Variants in ITGBL1 observed in about 807,000 individuals in gnomAD.
ITGBL1 encodes integrin subunit beta like 1.
In ITGBL1, 51 loss-of-function variants were observed where a neutral mutation model predicts 68.5. The ratio of observed to expected loss-of-function variants is 0.74; its 90% CI spans 0.59 to 0.94. The LOEUF is 0.94. Among genes scored for constraint, ITGBL1 ranks in the 40% least tolerant of loss-of-function variants. ITGBL1 has a pLI of 0.00. For synonymous variants in ITGBL1, 209 were observed against 227.3 expected (o/e 0.92, Z 0.72); for missense variants, 649 against 647.4 (o/e 1.00, Z -0.03).
chr13:101,680,165 G>A (rs940902922), intron 7 of ITGBL1, among the ~76,000 whole-genome samples: 4 of 152,128 alleles, frequency 2.6e-5, no homozygotes, highest in African/African-American at 9.7e-5. Context: ...AAAAATATTT[G>A]TACTTAGCTG....
At chr13:101,661,061 G>A (rs1335721391) in intron 7 of ITGBL1, among the ~76,000 whole-genome samples, 2 of 151,724 alleles carry the variant, frequency 1.3e-5, no homozygotes, top group East Asian at 3.9e-4. Context: ...AGTAGTAGCA[G>A]ATGCATAAAT....
At chr13:101,500,198 GAAAA>G (rs781724203) in intron 2 of ITGBL1, among the ~76,000 whole-genome samples, 3 of 150,706 alleles carry the variant, frequency 2.0e-5, no homozygotes, top group Non-Finnish European at 4.4e-5. Flanking sequence ...CAACAAGCCA[GAAAA>G]AAAAAGTCCA....
chr13:101,457,534 A>G (rs9557656), intron 2 of ITGBL1, among the ~76,000 whole-genome samples: 20,113 of 152,288 alleles, frequency 0.13, 1,742 homozygotes, highest in East Asian at 0.38. Flanking sequence ...TTCGTGGCAC[A>G]TGCATCTTCC....
At position 101,453,869 on chromosome 13, in the gene ITGBL1, T is replaced by C. The variant is rs1208450489; in HGVS notation, c.99-14T>C. The C allele has an allele frequency of 3.2e-6, 4 of 1,236,014 alleles. No homozygotes were observed. The highest frequency in any genetic ancestry group is 4.0e-6 in the Non-Finnish European group (4 of 991,770). 76.6% of individuals were successfully genotyped at this position (1,236,014 alleles called of 1,614,324 possible). ...CGTCTGACCCGGCCTGCCGGTTGCT[T>C]GTCGCCCGCGCAGGAGCTGGCCGGG... On this transcript the variant is annotated splice_polypyrimidine_tract_variant and intron_variant, in intron 1 of 10. Coordinates refer to ENST00000376180, the MANE Select transcript of ITGBL1 (RefSeq NM_004791.3).
Position 101,558,083 on chromosome 13 carries a change from C to CAAAAAAAAA in ITGBL1, c.317-9591_317-9583dup, listed in dbSNP as rs568103738. On this transcript the variant is annotated intron_variant, in intron 2 of 10. Coordinates refer to ENST00000376180, the MANE Select transcript of ITGBL1 (RefSeq NM_004791.3). ...TGGGAGACAGAGCAAAACTCCGTCT[C>CAAAAAAAAA]AAAAAAAAAAAAAAAAAAAAAAAAA... Among the ~76,000 whole-genome samples the CAAAAAAAAA allele has an allele frequency of 2.0e-4, 14 of 71,688 alleles. 1 individual carries two copies. Among genetic ancestry groups the CAAAAAAAAA allele is most frequent in the African/African-American group, 6.8e-4 (10 of 14,678 alleles). The allele number at this position is 71,688 out of a possible 152,430, so 47.0% of individuals were successfully genotyped here.
intron 2 of ITGBL1, among the ~76,000 whole-genome samples, chr13:101,510,767 A>G (rs2139109817): frequency 6.6e-6 from 1 of 150,752 alleles, no homozygotes; most frequent in South Asian, 2.1e-4. Context: ...ATTTTTTCAT[A>G]TGTTTGTTGA....
chr13:101,672,400 G>A (rs777843158), intron 7 of ITGBL1, among the ~76,000 whole-genome samples: 7 of 152,090 alleles, frequency 4.6e-5, no homozygotes, highest in African/African-American at 9.7e-5. Flanking sequence ...CTTTTCTTAC[G>A]AAGAGCAGCC....
At chr13:101,547,837 T>G (rs2049852644) in intron 2 of ITGBL1, among the ~76,000 whole-genome samples, 1 of 151,610 alleles carries the variant, frequency 6.6e-6, no homozygotes, top group South Asian at 2.1e-4. Flanking sequence ...ATACACCTAT[T>G]ATGCACCCAC....
At chr13:101,482,352 T>G (rs527801884) in intron 2 of ITGBL1, among the ~76,000 whole-genome samples, 1 of 151,066 alleles carries the variant, frequency 6.6e-6, no homozygotes, top group African/African-American at 2.4e-5. Flanking sequence ...TTTTTTTTAC[T>G]ATATCTGAAG....
At chr13:101,542,389 G>A (rs961001464) in intron 2 of ITGBL1, among the ~76,000 whole-genome samples, 6 of 152,194 alleles carry the variant, frequency 3.9e-5, no homozygotes, top group African/African-American at 1.4e-4. Flanking sequence ...TTAATCCTGA[G>A]TTCTAGTTTA....
At chr13:101,680,163 T>C (rs1566788233) in intron 7 of ITGBL1, among the ~76,000 whole-genome samples, 1 of 152,188 alleles carries the variant, frequency 6.6e-6, no homozygotes, top group African/African-American at 2.4e-5. Context: ...ACAAAAATAT[T>C]TGTACTTAGC....
At chr13:101,647,710 G>A (rs1226178522) in intron 7 of ITGBL1, among the ~76,000 whole-genome samples, 1 of 152,128 alleles carries the variant, frequency 6.6e-6, no homozygotes, top group Non-Finnish European at 1.5e-5. Flanking sequence ...TTACAGGGTT[G>A]GAAGAAAATA....
chr13:101,588,707 AAC>A (rs1555360549), intron 6 of ITGBL1, among the ~76,000 whole-genome samples: 119 of 141,752 alleles, frequency 8.4e-4, no homozygotes, highest in Admixed American at 1.4e-3. Context: ...AAAAAAAAAA[AAC>A]CTGATGTAAT....
intron 7 of ITGBL1, among the ~76,000 whole-genome samples, chr13:101,627,367 C>A (rs1485115283): frequency 6.6e-6 from 1 of 151,968 alleles, no homozygotes; most frequent in Non-Finnish European, 1.5e-5. Context: ...ATACTCCCTG[C>A]CCTCACCCAT....
At chr13:101,499,649 C>A (rs903492683) in intron 2 of ITGBL1, among the ~76,000 whole-genome samples, 101 of 152,302 alleles carry the variant, frequency 6.6e-4, no homozygotes, top group African/African-American at 2.3e-3. Context: ...CCTCATGCTT[C>A]CCCTGTCCCT....
intron 2 of ITGBL1, among the ~76,000 whole-genome samples, chr13:101,459,786 T>C (rs892343191): frequency 2.0e-5 from 3 of 152,178 alleles, no homozygotes; most frequent in African/African-American, 4.8e-5. Context: ...GCCATTCTTA[T>C]AAACATTGAT....
At chr13:101,535,319 C>A (rs1169325615) in intron 2 of ITGBL1, among the ~76,000 whole-genome samples, 2 of 151,988 alleles carry the variant, frequency 1.3e-5, no homozygotes, top group Non-Finnish European at 2.9e-5. Context: ...CAGACATTAC[C>A]TTTTGATGAG....
At chr13:101,508,353 T>A (rs1046473336) in intron 2 of ITGBL1, among the ~76,000 whole-genome samples, 2 of 152,236 alleles carry the variant, frequency 1.3e-5, no homozygotes, top group African/African-American at 2.4e-5. Flanking sequence ...ATGATGAGCA[T>A]CTTTACATAA....
chr13:101,709,017 GA>G (rs1259057799), intron 9 of ITGBL1, among the ~76,000 whole-genome samples: 1 of 152,204 alleles, frequency 6.6e-6, no homozygotes, highest in Non-Finnish European at 1.5e-5. Context: ...CAAAAAGAAG[GA>G]AAGGTTAAAA....
Sources: allele counts gnomAD v4.1 joint callset (sites outside exome capture counted in the v4.1 genomes callset), GRCh38; gene constraint gnomAD v4.1.1; transcripts MANE v1.5; gene names NCBI Gene and HGNC (gene_info 2026-07-23, HGNC 2026-07-21).